Variants in SAMD5 observed in about 807,000 individuals in gnomAD.
SAMD5 encodes the protein sterile alpha motif domain-containing protein 5.
SAMD5 carries 13 observed loss-of-function variants against 11.3 expected under a neutral mutation model. The observed-to-expected ratio is 1.15, with a 90% confidence interval of 0.75 to 1.83. The LOEUF is 1.83. SAMD5 is among the 40% of genes most tolerant of loss of function. SAMD5 has a pLI of 0.00. For synonymous variants in SAMD5, 129 were observed against 111.3 expected (o/e 1.16, Z -1.00); for missense variants, 255 against 239.1 (o/e 1.07, Z -0.44).
intron 1 of SAMD5, among the ~76,000 whole-genome samples, chr6:147,656,328 A>AT (rs1790565837): frequency 6.6e-6 from 1 of 152,164 alleles, no homozygotes; most frequent in Non-Finnish European, 1.5e-5. Flanking sequence ...CAAAAGATAA[A>AT]TGTGGCTCCA....
chr6:147,533,462 CA>C (rs57455955), intron 1 of SAMD5, among the ~76,000 whole-genome samples: 23,266 of 89,328 alleles, frequency 0.26, 1,873 homozygotes, highest in East Asian at 0.31. Context: ...AATTCCATCT[CA>C]AAAAAAAAAA....
chr6:147,876,719 G>A, the SAMD5 span, among the ~76,000 whole-genome samples: 1 of 152,202 alleles, frequency 6.6e-6, no homozygotes, highest in South Asian at 2.1e-4. Flanking sequence ...GTCTTCATTT[G>A]AGGCTAGGTT....
At chr6:147,702,398 T>A (rs992993480) in intron 1 of SAMD5, among the ~76,000 whole-genome samples, 5 of 152,046 alleles carry the variant, frequency 3.3e-5, no homozygotes, top group African/African-American at 1.2e-4. Context: ...AATAAAACAT[T>A]TGGGAGGTTG....
chr6:147,578,063 G>A (rs1789243745), intron 1 of SAMD5, among the ~76,000 whole-genome samples: 1 of 152,264 alleles, frequency 6.6e-6, no homozygotes, highest in Middle Eastern at 3.4e-3. Flanking sequence ...GAGAGAAGTC[G>A]AAATGCATTT....
chr6:147,673,468 C>T (rs1477011180), intron 1 of SAMD5, among the ~76,000 whole-genome samples: 2 of 152,134 alleles, frequency 1.3e-5, no homozygotes, highest in East Asian at 3.9e-4. Flanking sequence ...CTGCCTCGGC[C>T]TCCTGAAATG....
Position 147,702,093 on chromosome 6 carries a change from C to T in SAMD5, c.163-35224C>T, listed in dbSNP as rs181643952. On this transcript the variant is annotated intron_variant, in intron 1 of 1. Coordinates refer to the SAMD5 transcript ENST00000566741. ...TTTCCACATGGCTGAGGAAGCCTCA[C>T]CATCATGGCGGAAGACAAAAGAAGA... Among the ~76,000 whole-genome samples, 13 of 152,276 alleles carry T rather than the reference C, an allele frequency of 8.5e-5. No individual in the cohort carries two copies. In the East Asian group the frequency reaches 2.3e-3, roughly 27 times the overall value.
the SAMD5 span, among the ~76,000 whole-genome samples, chr6:147,795,376 C>A: frequency 1.4e-5 from 2 of 140,790 alleles, no homozygotes; most frequent in Non-Finnish European, 3.0e-5. Flanking sequence ...TCATCCATGT[C>A]CCTACAAAGG....
At chr6:147,520,349 G>C (rs1788233325) in intron 1 of SAMD5, among the ~76,000 whole-genome samples, 1 of 152,092 alleles carries the variant, frequency 6.6e-6, no homozygotes, top group Non-Finnish European at 1.5e-5. Flanking sequence ...TCAAACTCCT[G>C]ACCTCAGGTG....
chr6:147,623,148 C>T (rs12203505), intron 1 of SAMD5, among the ~76,000 whole-genome samples: 64,769 of 152,082 alleles, frequency 0.43, 15,898 homozygotes, highest in South Asian at 0.59. Context: ...TAAATTTGCT[C>T]TCTAGGATTG....
rs547790272 is a variant in SAMD5, at chr6:147,565,329, C to T, written c.*873C>T. The T allele has an allele frequency of 5.5e-5, 54 of 985,850 alleles. No individual in the cohort carries two copies. Among genetic ancestry groups the T allele is most frequent in the African/African-American group, 8.7e-5 (5 of 57,338 alleles). The allele number at this position is 985,850 out of a possible 1,614,324, so 61.1% of individuals were successfully genotyped here. Reference sequence around the variant, plus strand: ...CCTGTGGGGGCCGGGAGGTGGGCAGCGGCAGTGGCCTGAGGAGCCCTGTAG... The same window carrying T: ...CCTGTGGGGGCCGGGAGGTGGGCAGTGGCAGTGGCCTGAGGAGCCCTGTAG... On this transcript the variant is annotated 3_prime_UTR_variant, in exon 2 of 2. Transcript: ENST00000367474.
chr6:147,897,788 T>C, the SAMD5 span, among the ~76,000 whole-genome samples: 4 of 151,256 alleles, frequency 2.6e-5, no homozygotes, highest in Admixed American at 6.6e-5. Flanking sequence ...CTACTAAAAA[T>C]ACAAGAAATA....
chr6:147,924,880 A>G, the SAMD5 span, among the ~76,000 whole-genome samples: 2 of 152,106 alleles, frequency 1.3e-5, no homozygotes, highest in East Asian at 3.9e-4. Flanking sequence ...TTTCTTTCAG[A>G]TCTTTAATTC....
the SAMD5 span, among the ~76,000 whole-genome samples, chr6:147,810,558 G>T: frequency 6.6e-6 from 1 of 152,156 alleles, no homozygotes; most frequent in East Asian, 1.9e-4. Flanking sequence ...TGGTAGAAAA[G>T]CCAGGAAAGG....
chr6:147,613,901 C>A (rs9377066), intron 1 of SAMD5, among the ~76,000 whole-genome samples: 33 of 151,702 alleles, frequency 2.2e-4, no homozygotes, highest in Non-Finnish European at 1.5e-4. Context: ...AAGTCTCTAT[C>A]GGTCTGTGTC....
intron 1 of SAMD5, among the ~76,000 whole-genome samples, chr6:147,723,510 G>C (rs190199715): frequency 1.2e-4 from 18 of 152,280 alleles, no homozygotes; most frequent in Non-Finnish European, 2.4e-4. Context: ...GACTCAAGTG[G>C]CAGCCAGTTA....
chr6:147,793,352 A>G, the SAMD5 span, among the ~76,000 whole-genome samples: 4 of 152,194 alleles, frequency 2.6e-5, no homozygotes, highest in Non-Finnish European at 5.9e-5. Context: ...ATTATAAGCA[A>G]GGAAAGTCTA....
rs531781469 is a variant in SAMD5 at position 147,568,158 on chromosome 6, T to A, written c.*3702T>A. ...GCAAATGGGCTGTTCCCCGATAGCA[T>A]CTTCTGGGAAGAATCCAACCAAGAT... On this transcript the variant is annotated 3_prime_UTR_variant, in exon 2 of 2. Coordinates refer to ENST00000367474, the MANE Select transcript of SAMD5 (RefSeq NM_001030060.3). The A allele has an allele frequency of 2.9e-5, 29 of 985,336 alleles. No individual in the cohort carries two copies. The highest frequency in any genetic ancestry group is 5.2e-4 in the Middle Eastern group (1 of 1,914). 61.0% of individuals were successfully genotyped at this position (985,336 alleles called of 1,614,324 possible).
At chr6:147,621,473 T>TG (rs11417891) in intron 1 of SAMD5, among the ~76,000 whole-genome samples, 103,897 of 151,912 alleles carry the variant, frequency 0.68, 36,068 homozygotes, top group African/African-American at 0.79. Flanking sequence ...CTGCAGCCAC[T>TG]TCAGGAATCC....
At chr6:147,871,846 A>T in the SAMD5 span, among the ~76,000 whole-genome samples, 2 of 152,172 alleles carry the variant, frequency 1.3e-5, no homozygotes, top group Non-Finnish European at 2.9e-5. Flanking sequence ...GCTACGTTCT[A>T]AATTTTATTT....
Sources: allele counts gnomAD v4.1 joint callset (sites outside exome capture counted in the v4.1 genomes callset), GRCh38; gene constraint gnomAD v4.1.1; transcripts MANE v1.5; gene names NCBI Gene and HGNC (gene_info 2026-07-23, HGNC 2026-07-21).